Variants in CRTAC1 observed in about 807,000 individuals in gnomAD.
CRTAC1 encodes the protein acidic secreted protein in cartilage.
A neutral mutation model predicts 67.8 loss-of-function variants in CRTAC1; 37 were observed. The ratio of observed to expected loss-of-function variants is 0.55; its 90% CI spans 0.42 to 0.72. CRTAC1 has a LOEUF of 0.72. CRTAC1 is among the 30% of genes least tolerant of loss of function. CRTAC1 has a pLI of 0.00. For synonymous variants in CRTAC1, 348 were observed against 371.0 expected, an observed-to-expected ratio of 0.94 and a Z score of 0.71; for missense variants, 780 against 931.6, an observed-to-expected ratio of 0.84 and a Z score of 2.12.
chr10:97,887,404 T>C (rs1374958020), intron 11 of CRTAC1, among the ~76,000 whole-genome samples: 2 of 152,020 alleles, frequency 1.3e-5, no homozygotes, highest in East Asian at 3.9e-4. Context: ...CCACCACACC[T>C]GGCTAATTTT....
Position 97,959,497 on chromosome 10 carries a change from T to C in CRTAC1, c.225-23131A>G, listed in dbSNP as rs77244839. On this transcript the variant is annotated intron_variant, in intron 2 of 14. Transcript: ENST00000370597. ...AGCTCCTGGCTCATTCCATGGAACATGGGCTGTACAGGGCCTTGAGGCCCT... is the reference window on the plus strand; with the variant it reads ...AGCTCCTGGCTCATTCCATGGAACACGGGCTGTACAGGGCCTTGAGGCCCT... Among the ~76,000 whole-genome samples, 221 of 152,282 alleles carry C rather than the reference T, an allele frequency of 1.5e-3. 4 individuals are homozygous for C. The East Asian group carries it at 0.039, about 27-fold the overall frequency.
intron 4 of CRTAC1, among the ~76,000 whole-genome samples, chr10:97,921,275 C>A (rs2050832301): frequency 6.6e-6 from 1 of 152,084 alleles, no homozygotes; most frequent in South Asian, 2.1e-4. Flanking sequence ...AAAGGCCCTG[C>A]CCCAGGTAGG....
At chr10:97,936,113 T>A (rs974080020) in intron 3 of CRTAC1, 57 bp downstream of exon 3, 5 of 1,503,800 alleles carry the variant, frequency 3.3e-6, no homozygotes, top group Non-Finnish European at 4.5e-6. Context: ...CCTCCCCAAG[T>A]TGCTACTGGG....
At chr10:97,964,951 A>G (rs1294770532) in intron 2 of CRTAC1, among the ~76,000 whole-genome samples, 1 of 152,194 alleles carries the variant, frequency 6.6e-6, no homozygotes, top group Non-Finnish European at 1.5e-5. Flanking sequence ...CCCAGCTGGT[A>G]GGAGACCCAG....
intron 3 of CRTAC1, among the ~76,000 whole-genome samples, chr10:97,932,262 G>A (rs913650345): frequency 1.3e-5 from 2 of 152,182 alleles, no homozygotes; most frequent in Non-Finnish European, 2.9e-5. Flanking sequence ...AGAGCCACAG[G>A]ACTAGAACGG....
intron 2 of CRTAC1, among the ~76,000 whole-genome samples, chr10:97,951,009 C>T (rs914069929): frequency 6.6e-6 from 1 of 152,118 alleles, no homozygotes; most frequent in African/African-American, 2.4e-5. Flanking sequence ...GTTGACTGCC[C>T]CCTCTTCATG....
At chr10:97,905,420 A>G (rs746723168) in intron 6 of CRTAC1, among the ~76,000 whole-genome samples, 19 of 152,068 alleles carry the variant, frequency 1.2e-4, no homozygotes, top group Non-Finnish European at 2.4e-4. Context: ...TCTCAGCCAC[A>G]ATGTCACTTC....
chr10:97,995,773 C>T (rs919840641), intron 2 of CRTAC1, among the ~76,000 whole-genome samples: 15 of 152,094 alleles, frequency 9.9e-5, no homozygotes, highest in African/African-American at 3.6e-4. Flanking sequence ...TTACAGAACC[C>T]TACATTAAGC....
At chr10:97,944,347 G>A (rs566175724) in intron 2 of CRTAC1, among the ~76,000 whole-genome samples, 43 of 152,030 alleles carry the variant, frequency 2.8e-4, no homozygotes, top group South Asian at 1.0e-3. Flanking sequence ...CAGAAGAATC[G>A]CATGAACCGG....
At chr10:97,900,613 C>T in intron 8 of CRTAC1, among the ~76,000 whole-genome samples, 1 of 136,444 alleles carries the variant, frequency 7.3e-6, no homozygotes. Flanking sequence ...CCCGTAGCCC[C>T]TTTTCCTGGT....
chr10:97,928,232 T>C (rs2050951769), intron 3 of CRTAC1, among the ~76,000 whole-genome samples: 1 of 152,182 alleles, frequency 6.6e-6, no homozygotes, highest in East Asian at 1.9e-4. Flanking sequence ...AGAACCACCA[T>C]TTGCTGCCAG....
At chr10:97,884,428 T>A (rs2050254459) in intron 11 of CRTAC1, 77 bp from the exon 12 acceptor site, 3 of 1,314,558 alleles carry the variant, frequency 2.3e-6, no homozygotes, top group Non-Finnish European at 3.2e-6. Context: ...CATCAACTAA[T>A]TCATCCATTG....
At chr10:97,939,103 C>T (rs1422604111) in intron 2 of CRTAC1, among the ~76,000 whole-genome samples, 1 of 152,208 alleles carries the variant, frequency 6.6e-6, no homozygotes, top group Non-Finnish European at 1.5e-5. Context: ...CCTTCCCCTG[C>T]ACCCCTGCCC....
chr10:97,889,411 C>A (rs2050332903), intron 11 of CRTAC1, among the ~76,000 whole-genome samples: 2 of 148,590 alleles, frequency 1.3e-5, no homozygotes, highest in Admixed American at 6.8e-5. Context: ...CACCGAGGAG[C>A]AGCAGGGACA....
At chr10:97,933,103 G>T (rs2051025997) in intron 3 of CRTAC1, among the ~76,000 whole-genome samples, 1 of 152,256 alleles carries the variant, frequency 6.6e-6, no homozygotes, top group Non-Finnish European at 1.5e-5. Flanking sequence ...GACCCCTGGA[G>T]AGTGGGAAGG....
chr10:97,943,883 C>T (rs758973959), intron 2 of CRTAC1, among the ~76,000 whole-genome samples: 5 of 152,206 alleles, frequency 3.3e-5, no homozygotes, highest in African/African-American at 9.6e-5. Flanking sequence ...AAAAAGATTG[C>T]CAATCCCTGG....
At chr10:97,888,093 C>T (rs1054871240) in intron 11 of CRTAC1, among the ~76,000 whole-genome samples, 1 of 152,226 alleles carries the variant, frequency 6.6e-6, no homozygotes, top group Non-Finnish European at 1.5e-5. Flanking sequence ...ATCTACTGTG[C>T]CCCTGTTACA....
intron 2 of CRTAC1, among the ~76,000 whole-genome samples, chr10:97,964,002 C>T (rs960013507): frequency 7.9e-5 from 12 of 152,314 alleles, no homozygotes; most frequent in Non-Finnish European, 7.3e-5. Flanking sequence ...ATGCTTTCTA[C>T]ACTCGCCCCA....
chr10:97,914,792 G>C (rs1331546673), intron 5 of CRTAC1, among the ~76,000 whole-genome samples: 1 of 152,162 alleles, frequency 6.6e-6, no homozygotes, highest in Non-Finnish European at 1.5e-5. Context: ...GCTTCAAGAG[G>C]CCTCAAGCAG....
Sources: allele counts gnomAD v4.1 joint callset (sites outside exome capture counted in the v4.1 genomes callset), GRCh38; gene constraint gnomAD v4.1.1; transcripts MANE v1.5; gene names NCBI Gene and HGNC (gene_info 2026-07-23, HGNC 2026-07-21).